Variants in SLC60A2 observed in about 807,000 individuals in gnomAD.
SLC60A2 encodes major facilitator superfamily domain containing 4B.
At chr6:111,277,797 G>A in the SLC60A2 span, 3 of 152,194 alleles carry the variant, frequency 2.0e-5, no homozygotes, top group South Asian at 2.1e-4. Context: ...GAAATTACTC[G>A]GCACAGTGTA....
chr6:111,259,608 G>T, the SLC60A2 span: 2 of 1,401,104 alleles, frequency 1.4e-6, no homozygotes, highest in African/African-American at 2.9e-5. Flanking sequence ...GCAGGCGGAG[G>T]CCCCGGCGGA....
At chr6:111,276,679 A>G in the SLC60A2 span, among the ~76,000 whole-genome samples, 4 of 152,174 alleles carry the variant, frequency 2.6e-5, no homozygotes, top group African/African-American at 4.8e-5. Context: ...TTTTCTGCCA[A>G]ATGAATGGTT....
the SLC60A2 span, chr6:111,267,338 C>T: frequency 5.9e-5 from 28 of 471,228 alleles, no homozygotes; most frequent in East Asian, 3.3e-4. Flanking sequence ...CTTGTTATAA[C>T]GCTATCATTT....
the SLC60A2 span, among the ~76,000 whole-genome samples, chr6:111,264,278 G>A: frequency 6.6e-6 from 1 of 152,178 alleles, no homozygotes; most frequent in Non-Finnish European, 1.5e-5. Flanking sequence ...TATTGCTCTA[G>A]TATGGGAGGA....
the SLC60A2 span, among the ~76,000 whole-genome samples, chr6:111,264,864 C>T: frequency 4.6e-5 from 7 of 151,034 alleles, no homozygotes; most frequent in South Asian, 2.1e-4. Flanking sequence ...GAGGCTGTGT[C>T]GGGCAGATCA....
chr6:111,259,368 C>T, the SLC60A2 span: 29 of 345,852 alleles, frequency 8.4e-5, no homozygotes, highest in African/African-American at 5.5e-4. Context: ...CCACGAACAC[C>T]TGCGGCGTGC....
chr6:111,274,513 A>G, the SLC60A2 span, among the ~76,000 whole-genome samples: 1 of 152,166 alleles, frequency 6.6e-6, no homozygotes, highest in East Asian at 1.9e-4. Context: ...ATCCGTTTAC[A>G]TTCAAGGCTG....
At chr6:111,266,005 C>T in the SLC60A2 span, 5 of 1,614,186 alleles carry the variant, frequency 3.1e-6, no homozygotes, top group East Asian at 2.2e-5. Context: ...GGTCCGACAG[C>T]GTCTGCTGAA....
chr6:111,271,775 T>TAAAAAAAAAAAAAA, the SLC60A2 span, among the ~76,000 whole-genome samples: 12 of 18,850 alleles, frequency 6.4e-4, 2 homozygotes, highest in South Asian at 6.1e-3. Flanking sequence ...CCATCTCTAC[T>TAAAAAAAAAAAAAA]AAAAAAAAAA....
the SLC60A2 span, chr6:111,270,724 A>T: frequency 4.9e-3 from 746 of 152,356 alleles, 5 homozygotes; most frequent in Non-Finnish European, 8.0e-3. Context: ...GGGTGCCTGT[A>T]GTCCCAGCTA....
the SLC60A2 span, among the ~76,000 whole-genome samples, chr6:111,274,438 G>T: frequency 8.5e-5 from 13 of 152,206 alleles, no homozygotes; most frequent in East Asian, 5.8e-4. Flanking sequence ...GGGTAATGGG[G>T]TTTTTTGTTT....
chr6:111,270,951 G>C, the SLC60A2 span: 1 of 152,090 alleles, frequency 6.6e-6, no homozygotes, highest in African/African-American at 2.4e-5. Flanking sequence ...TGCCCCATTA[G>C]CCAGGCCAAC....
At chr6:111,278,223 G>A in the SLC60A2 span, 10 of 152,272 alleles carry the variant, frequency 6.6e-5, no homozygotes, top group Non-Finnish European at 1.0e-4. Flanking sequence ...GACTGTTCAC[G>A]GTGAAAAACA....
At chr6:111,270,304 A>T in the SLC60A2 span, 2 of 152,192 alleles carry the variant, frequency 1.3e-5, no homozygotes, top group African/African-American at 4.8e-5. Flanking sequence ...AGGCTAGAAC[A>T]GGGATGTGAC....
the SLC60A2 span, among the ~76,000 whole-genome samples, chr6:111,273,496 G>GTTTT: frequency 9.1e-6 from 1 of 109,864 alleles, no homozygotes; most frequent in African/African-American, 2.8e-5. Context: ...TGAGATTTGT[G>GTTTT]TTTTTTTTTT....
At chr6:111,267,837 G>A in the SLC60A2 span, 2 of 152,172 alleles carry the variant, frequency 1.3e-5, no homozygotes, top group East Asian at 3.9e-4. Context: ...GAAATGGAGA[G>A]GTATTTTTAT....
chr6:111,261,210 T>C, the SLC60A2 span, among the ~76,000 whole-genome samples: 3 of 151,978 alleles, frequency 2.0e-5, no homozygotes, highest in Non-Finnish European at 4.4e-5. Flanking sequence ...AACATTTAAA[T>C]TGTTTATCTC....
the SLC60A2 span, chr6:111,265,504 C>T: frequency 2.5e-6 from 1 of 402,656 alleles, no homozygotes; most frequent in Non-Finnish European, 3.4e-6. Context: ...TGGCTACTAT[C>T]TGATGATAAA....
chr6:111,260,244 G>A, the SLC60A2 span, among the ~76,000 whole-genome samples: 1 of 152,152 alleles, frequency 6.6e-6, no homozygotes, highest in Non-Finnish European at 1.5e-5. Flanking sequence ...TCGTCGGATG[G>A]GAAGGTTGCA....
Sources: gnomAD v4.1 joint callset for allele counts (sites outside exome capture counted in the v4.1 genomes callset) on GRCh38, gnomAD v4.1.1 for gene constraint, MANE v1.5 for transcripts, NCBI Gene and HGNC (gene_info 2026-07-23, HGNC 2026-07-21) for gene names.